CENPC: variants seen among roughly 807,000 people sequenced by gnomAD.
CENPC encodes the protein CENP-C 1.
A neutral mutation model predicts 112.1 loss-of-function variants in CENPC; 63 were observed. The ratio of observed to expected loss-of-function variants is 0.56; its 90% CI spans 0.46 to 0.69. The LOEUF is 0.69. Among genes scored for constraint, CENPC ranks in the 30% least tolerant of loss-of-function variants. The probability of loss-of-function intolerance (pLI) is 0.00; values close to 1 mark genes in which losing one functional copy is unlikely to be tolerated. For missense variants in CENPC, 1,000 were observed against 1,103.8 expected, an observed-to-expected ratio of 0.91 and a Z score of 1.33; for synonymous variants, 333 against 367.6, an observed-to-expected ratio of 0.91 and a Z score of 1.08.
At chr4:67,535,873 G>A (rs1306086535) in intron 4 of CENPC, among the ~76,000 whole-genome samples, 2 of 152,036 alleles carry the variant, frequency 1.3e-5, no homozygotes, top group Admixed American at 6.6e-5. Flanking sequence ...TTAGAAATAT[G>A]GAGTCAAAAT....
chr4:67,491,252 C>A (rs1431467109), intron 16 of CENPC, among the ~76,000 whole-genome samples: 1 of 149,718 alleles, frequency 6.7e-6, no homozygotes, highest in Non-Finnish European at 1.5e-5. Context: ...CGGCTCACTG[C>A]AATCTCCACC....
chr4:67,485,915 T>A (rs1725081648), intron 17 of CENPC, among the ~76,000 whole-genome samples: 1 of 152,128 alleles, frequency 6.6e-6, no homozygotes, highest in African/African-American at 2.4e-5. Context: ...GAGTTTGAAC[T>A]CAGGCATTTA....
intron 5 of CENPC, among the ~76,000 whole-genome samples, chr4:67,526,599 C>T (rs777605725): frequency 7.9e-5 from 12 of 151,936 alleles, no homozygotes; most frequent in Non-Finnish European, 1.2e-4. Context: ...AAAGGATTAA[C>T]ACCAATTTTA....
Position 67,509,086 on chromosome 4 carries a change from A to G in CENPC, c.1632T>C (p.Ser544=). ...KSEESPVYSN[S]SVRNELPMHH... is the part of the protein sequence containing the mutation. ...GCATTGGTAATTCATTTCTTACTGA[A>G]GAATTGCTATAAACAGGACCTGAAG... Residue 544 remains serine, a synonymous_variant, in exon 10 of 19, where the codon TCT becomes TCC. Coordinates refer to ENST00000273853, the MANE Select transcript of CENPC (RefSeq NM_001812.4). 6.2e-7 allele frequency: 1 copy of G among 1,607,834 alleles called. No homozygotes were observed. Among genetic ancestry groups the G allele is most frequent in the East Asian group, 2.2e-5 (1 of 44,758 alleles).
intron 5 of CENPC, among the ~76,000 whole-genome samples, chr4:67,520,755 C>A (rs533263934): frequency 3.3e-5 from 5 of 152,218 alleles, no homozygotes; most frequent in South Asian, 2.1e-4. Flanking sequence ...TTCATGCCTG[C>A]AATCCCAGCA....
intron 4 of CENPC, among the ~76,000 whole-genome samples, chr4:67,533,580 T>C (rs1189362607): frequency 6.6e-6 from 1 of 152,192 alleles, no homozygotes; most frequent in African/African-American, 2.4e-5. Flanking sequence ...AAGGAGTAGA[T>C]GAGACATGTC....
At chr4:67,508,723 A>T in intron 10 of CENPC, 91 bp downstream of exon 10, 3 of 1,197,420 alleles carry the variant, frequency 2.5e-6, no homozygotes, top group Non-Finnish European at 3.5e-6. Context: ...TCTTCATGCT[A>T]ATTACTGCCT....
intron 13 of CENPC, 71 bp downstream of exon 13, chr4:67,495,088 A>C: frequency 7.6e-7 from 1 of 1,310,958 alleles, no homozygotes; most frequent in Non-Finnish European, 1.0e-6. Flanking sequence ...AGAAGAAATA[A>C]GTTATATTTA....
chr4:67,541,693 G>A (rs1726894345), intron 2 of CENPC, among the ~76,000 whole-genome samples: 2 of 152,048 alleles, frequency 1.3e-5, no homozygotes, highest in Non-Finnish European at 2.9e-5. Context: ...ACTCATTTCT[G>A]AACATACTCA....
At chr4:67,543,329 A>T (rs571136478) in intron 2 of CENPC, among the ~76,000 whole-genome samples, 1 of 152,288 alleles carries the variant, frequency 6.6e-6, no homozygotes, top group African/African-American at 2.4e-5. Flanking sequence ...TGTCTGGAAT[A>T]TACTTTATCT....
chr4:67,475,572 A>G (rs1577968602), intron 17 of CENPC, among the ~76,000 whole-genome samples: 3 of 152,322 alleles, frequency 2.0e-5, no homozygotes, highest in East Asian at 1.9e-4. Context: ...TTCTCTCTAC[A>G]TAACTGTGAG....
chr4:67,510,001 A>C (rs912791114), intron 9 of CENPC, among the ~76,000 whole-genome samples: 5 of 152,126 alleles, frequency 3.3e-5, no homozygotes, highest in Admixed American at 6.6e-5. Context: ...CCAAACAAAC[A>C]AACCAAAAAA....
At chr4:67,488,122 A>G (rs1478392300) in intron 17 of CENPC, among the ~76,000 whole-genome samples, 1 of 151,790 alleles carries the variant, frequency 6.6e-6, no homozygotes, top group African/African-American at 2.4e-5. Context: ...TACATTTTTA[A>G]ATTCTAGTTA....
At chr4:67,489,810 G>C (rs779890767) in intron 17 of CENPC, among the ~76,000 whole-genome samples, 157 bp downstream of exon 17, 2 of 152,034 alleles carry the variant, frequency 1.3e-5, no homozygotes, top group Admixed American at 6.6e-5. Context: ...CTGTTGGCTG[G>C]TTGACTCTAA....
chr4:67,493,759 C>A, intron 14 of CENPC, 125 bp downstream of exon 14: 1 of 582,906 alleles, frequency 1.7e-6, no homozygotes, highest in Non-Finnish European at 3.0e-6. Context: ...GAATTTAAAT[C>A]CTATTATCAA....
chr4:67,532,049 G>GA (rs1308694859), intron 4 of CENPC, among the ~76,000 whole-genome samples: 45 of 151,944 alleles, frequency 3.0e-4, no homozygotes, highest in Non-Finnish European at 5.7e-4. Context: ...AAATTTACAA[G>GA]AAAAAAATCA....
At chr4:67,542,616 G>A (rs1209357252) in intron 2 of CENPC, among the ~76,000 whole-genome samples, 3 of 152,272 alleles carry the variant, frequency 2.0e-5, no homozygotes, top group East Asian at 3.9e-4. Flanking sequence ...TAATTCTGAT[G>A]TGCAAATCTA....
chr4:67,517,119 C>A (rs4860851), intron 7 of CENPC, among the ~76,000 whole-genome samples: 25,746 of 151,718 alleles, frequency 0.17, 3,175 homozygotes, highest in East Asian at 0.58. Context: ...AGAGACTGAA[C>A]AAAAGGGGAA....
At chr4:67,521,654 A>T (rs540803273) in intron 5 of CENPC, among the ~76,000 whole-genome samples, 24 of 152,350 alleles carry the variant, frequency 1.6e-4, no homozygotes, top group African/African-American at 5.5e-4. Flanking sequence ...TGAAAGCAGG[A>T]ACTCAAAGAG....
Sources: allele counts gnomAD v4.1 joint callset (sites outside exome capture counted in the v4.1 genomes callset), GRCh38; gene constraint gnomAD v4.1.1; transcripts MANE v1.5; gene names NCBI Gene and HGNC (gene_info 2026-07-23, HGNC 2026-07-21).